Variants in H1-4 observed in about 807,000 individuals in gnomAD.
The protein encoded by H1-4 is histone H1.4.
H1-4 carries 9 observed loss-of-function variants against 7.2 expected under a neutral mutation model. That is an observed-to-expected ratio of 1.25 (90% CI 0.75 to 2.18). The LOEUF is 2.18. Among genes scored for constraint, H1-4 ranks in the 30% most tolerant of loss-of-function variants. The pLI, the probability that H1-4 is intolerant of heterozygous loss-of-function variation, is 0.00. For synonymous variants in H1-4, 318 were observed against 126.6 expected, an observed-to-expected ratio of 2.51 and a Z score of -10.15; for missense variants, 646 against 287.9, an observed-to-expected ratio of 2.24 and a Z score of -9.00.
rs146982083 is a variant in H1-4, at chr6:26,156,495, G to T, written c.105G>T (p.Ala35=). The T allele has an allele frequency of 2.0e-4, 326 of 1,613,738 alleles. 1 individual carries two copies. In the Middle Eastern group the frequency reaches 2.8e-3, roughly 14 times the overall value. The part of the protein sequence containing the change: ...RKSAGAAKRK[A]SGPPVSELIT... Reference sequence around the variant, plus strand: ...CTGCAGGTGCGGCCAAGCGCAAAGCGTCTGGGCCCCCGGTGTCCGAGCTCA... The same window carrying T: ...CTGCAGGTGCGGCCAAGCGCAAAGCTTCTGGGCCCCCGGTGTCCGAGCTCA... The change falls in exon 1 of 1, where the codon GCG becomes GCT. Residue 35 remains alanine (A), a synonymous_variant. Coordinates refer to ENST00000304218, the MANE Select transcript of H1-4 (RefSeq NM_005321.3).
rs751343200 is a variant in H1-4, at chr6:26,156,861, G to A, written c.471G>A (p.Lys157=). The A allele has an allele frequency of 5.3e-5, 86 of 1,607,742 alleles. No individual in the cohort carries two copies. Among genetic ancestry groups the A allele is most frequent in the Non-Finnish European group, 6.8e-5 (80 of 1,177,796 alleles). ...AGAGCGCCAAGAAGACCCCAAAGAA[G>A]GCGAAGAAGCCGGCTGCAGCTGCTG... ...PKKSAKKTPK[K]AKKPAAAAGA... The change falls in exon 1 of 1, where the codon AAG becomes AAA. Residue 157 remains lysine (K), a synonymous_variant. Coordinates refer to ENST00000304218, the MANE Select transcript of H1-4 (RefSeq NM_005321.3).
In H1-4 at chr6:26,156,751, A is replaced by G. The variant is rs920829482; in HGVS notation, c.361A>G (p.Lys121Glu). ...AASGEAKPKA[K>E]KAGAAKAKKP... The stretch of plus-strand genomic sequence containing the variant: ...CTCTGGGGAAGCCAAGCCTAAGGCT[A>G]AAAAGGCAGGCGCGGCCAAGGCCAA... The change falls in exon 1 of 1, where the codon AAA (lysine) becomes GAA (glutamate). Residue 121 changes from lysine (K) to glutamate (E), a missense_variant. Lys to Glu is a moderately conservative substitution (Grantham distance 56). Transcript: ENST00000304218. The G allele has an allele frequency of 6.2e-7, 1 of 1,613,972 alleles. No individual in the cohort carries two copies. The highest frequency in any genetic ancestry group is 8.5e-7 in the Non-Finnish European group (1 of 1,179,944).
rs779960268 is a variant in H1-4, at chr6:26,156,360, C to G, written c.-31C>G. 36 of 1,518,430 alleles carry G rather than the reference C, an allele frequency of 2.4e-5. No homozygotes were observed. Among genetic ancestry groups the G allele is most frequent in the African/African-American group, 8.3e-5 (6 of 72,098 alleles). The allele number at this position is 1,518,430 out of a possible 1,614,324, so 94.1% of individuals were successfully genotyped here. ...CCGGCCAGTGCCTCTGCTTCCGGCT[C>G]GAATTGCTCTCGCTCACGCTTGCCT... On this transcript the variant is annotated 5_prime_UTR_variant, in exon 1 of 1. Transcript: ENST00000304218.
Position 26,156,410 on chromosome 6 carries a change from C to T in H1-4, c.20C>T (p.Ala7Val), listed in dbSNP as rs1329028356. 3.8e-6 allele frequency: 6 copies of T among 1,588,366 alleles called. No individual in the cohort carries two copies. The highest frequency in any genetic ancestry group is 4.3e-6 in the Non-Finnish European group (5 of 1,167,136). The change falls in exon 1 of 1, where the codon GCC becomes GTC. Residue 7 changes from alanine (A) to valine (V), a missense_variant. Ala to Val is a moderately conservative substitution (Grantham distance 64). Transcript: ENST00000304218. ...TTCAACATGTCCGAGACTGCGCCTG[C>T]CGCGCCCGCTGCTCCGGCCCCTGCC... MSETAP[A>V]APAAPAPAEK... is the part of the protein sequence containing the mutation.
Position 26,156,472 on chromosome 6 carries a change from G to A in H1-4, c.82G>A (p.Ala28Thr), listed in dbSNP as rs755373320. 5.6e-6 allele frequency: 9 copies of A among 1,613,156 alleles called. No individual in the cohort carries two copies. The highest frequency in any genetic ancestry group is 2.2e-5 in the East Asian group (1 of 44,874). Residue 28 changes from alanine to threonine, a missense_variant, in exon 1 of 1, where the codon GCA becomes ACA. Transcript: ENST00000304218. ...TPVKKKARKSAGAAKRKASGP... is the reference protein window; with the variant it reads ...TPVKKKARKSTGAAKRKASGP... ...CGTGAAGAAGAAGGCCCGCAAGTCTGCAGGTGCGGCCAAGCGCAAAGCGTC... is the reference window on the plus strand; with the variant it reads ...CGTGAAGAAGAAGGCCCGCAAGTCTACAGGTGCGGCCAAGCGCAAAGCGTC...
Position 26,156,813 on chromosome 6 carries a change from G to C in H1-4, c.423G>C (p.Ala141=), listed in dbSNP as rs370742259. Residue 141 remains alanine (A), a synonymous_variant, in exon 1 of 1, where the codon GCG becomes GCC. Coordinates refer to ENST00000304218, the MANE Select transcript of H1-4 (RefSeq NM_005321.3). ...GAGCGGCGAAGAAGCCCAAGAAGGC[G>C]ACGGGGGCGGCCACCCCCAAGAAGA... is the stretch of plus-strand genomic sequence containing the variant. ...PAGAAKKPKK[A]TGAATPKKSA... 44 of 1,607,702 alleles carry C rather than the reference G, an allele frequency of 2.7e-5. No homozygotes were observed. Among genetic ancestry groups the C allele is most frequent in the Non-Finnish European group, 3.7e-5 (44 of 1,177,214 alleles).
In H1-4 at chr6:26,156,521, T is replaced by G. The variant is rs1764174401; in HGVS notation, c.131T>G (p.Ile44Ser). Reference protein sequence around the residue: ...KASGPPVSELITKAVAASKER... With the variant: ...KASGPPVSELSTKAVAASKER... ...TCTGGGCCCCCGGTGTCCGAGCTCA[T>G]TACTAAAGCTGTTGCCGCCTCCAAG... The change falls in exon 1 of 1, where the codon ATT becomes AGT. Residue 44 changes from isoleucine to serine, a missense_variant. By Grantham distance (142) the Ile-to-Ser change is moderately radical (BLOSUM62 -2). Transcript: ENST00000304218. 6.2e-7 allele frequency: 1 copy of G among 1,613,704 alleles called. No individual in the cohort carries two copies. The highest frequency in any genetic ancestry group is 1.3e-5 in the African/African-American group (1 of 74,890).
Position 26,157,072 on chromosome 6 carries a change from T to C in H1-4, c.*22T>C, listed in dbSNP as rs1040231535. The C allele has an allele frequency of 6.4e-7, 1 of 1,572,508 alleles. No individual in the cohort carries two copies. Among genetic ancestry groups the C allele is most frequent in the African/African-American group, 1.4e-5 (1 of 72,286 alleles). On this transcript the variant is annotated 3_prime_UTR_variant, in exon 1 of 1. Transcript: ENST00000304218. ...GTAGAAAGTTCCTTTGGCCAACTGC[T>C]TAGAAGCCCAACACAACCCAAAGGC...
In H1-4 at chr6:26,157,095, G is replaced by A; in HGVS notation, c.*45G>A. ...GCTTAGAAGCCCAACACAACCCAAA[G>A]GCTCTTTTCAGAGCCACCCACCGCT... On this transcript the variant is annotated 3_prime_UTR_variant, in exon 1 of 1. Coordinates refer to ENST00000304218, the MANE Select transcript of H1-4 (RefSeq NM_005321.3). 6.4e-7 allele frequency: 1 copy of A among 1,553,642 alleles called. No individual in the cohort carries two copies. The highest frequency in any genetic ancestry group is 8.6e-7 in the Non-Finnish European group (1 of 1,159,188).
rs201297264 is a variant in H1-4 at position 26,156,821 on chromosome 6, C to G, written c.431C>G (p.Ala144Gly). 3.1e-6 allele frequency: 5 copies of G among 1,606,630 alleles called. No homozygotes were observed. The South Asian group carries it at 5.5e-5, about 18-fold the overall frequency. The change falls in exon 1 of 1, where the codon GCG (alanine) becomes GGG (glycine). Residue 144 changes from alanine (A) to glycine (G), a missense_variant. Physicochemically the swap from Ala to Gly is moderately conservative, Grantham distance 60 (BLOSUM62 0). Transcript: ENST00000304218. ...AAGAAGCCCAAGAAGGCGACGGGGG[C>G]GGCCACCCCCAAGAAGAGCGCCAAG... is the stretch of plus-strand genomic sequence containing the variant. ...AAKKPKKATG[A>G]ATPKKSAKKT...
In H1-4 at chr6:26,156,849, G is replaced by T. The variant is rs759116050; in HGVS notation, c.459G>T (p.Lys153Asn). Residue 153 changes from lysine to asparagine, a missense_variant, in exon 1 of 1, where the codon AAG becomes AAT. Lys to Asn is a moderately conservative substitution (Grantham distance 94, BLOSUM62 0). Coordinates refer to ENST00000304218, the MANE Select transcript of H1-4 (RefSeq NM_005321.3). ...GAATPKKSAKKTPKKAKKPAA... is the reference protein window; with the variant it reads ...GAATPKKSAKNTPKKAKKPAA... ...CCACCCCCAAGAAGAGCGCCAAGAA[G>T]ACCCCAAAGAAGGCGAAGAAGCCGG... The T allele has an allele frequency of 6.2e-7, 1 of 1,606,474 alleles. No individual in the cohort carries two copies. The highest frequency in any genetic ancestry group is 8.5e-7 in the Non-Finnish European group (1 of 1,177,220).
In H1-4 at chr6:26,156,356, G is replaced by A. The variant is rs576895230; in HGVS notation, c.-35G>A. On this transcript the variant is annotated 5_prime_UTR_variant, in exon 1 of 1. Coordinates refer to ENST00000304218, the MANE Select transcript of H1-4 (RefSeq NM_005321.3). ...AGTCCCGGCCAGTGCCTCTGCTTCCGGCTCGAATTGCTCTCGCTCACGCTT... is the reference window on the plus strand; with the variant it reads ...AGTCCCGGCCAGTGCCTCTGCTTCCAGCTCGAATTGCTCTCGCTCACGCTT... 107 of 1,516,260 alleles carry A rather than the reference G, an allele frequency of 7.1e-5. No homozygotes were observed. Among genetic ancestry groups the A allele is most frequent in the Admixed American group, 2.6e-4 (12 of 46,576 alleles). 93.9% of individuals were successfully genotyped at this position (1,516,260 alleles called of 1,614,324 possible). A position where few individuals can be genotyped will look rare whatever the true frequency, so the allele number is the denominator to read the frequency against.
At position 26,156,427 on chromosome 6, in the gene H1-4, G is replaced by A. The variant is rs1388857403; in HGVS notation, c.37G>A (p.Ala13Thr). Residue 13 changes from alanine (A) to threonine (T), a missense_variant, in exon 1 of 1, where the codon GCC becomes ACC. By Grantham distance (58) the Ala-to-Thr change is moderately conservative (BLOSUM62 0). Coordinates refer to ENST00000304218, the MANE Select transcript of H1-4 (RefSeq NM_005321.3). Reference sequence around the variant, plus strand: ...TGCGCCTGCCGCGCCCGCTGCTCCGGCCCCTGCCGAGAAGACTCCCGTGAA... The same window carrying A: ...TGCGCCTGCCGCGCCCGCTGCTCCGACCCCTGCCGAGAAGACTCCCGTGAA... ...ETAPAAPAAP[A>T]PAEKTPVKKK... 18 of 1,602,056 alleles carry A rather than the reference G, an allele frequency of 1.1e-5. No homozygotes were observed. The South Asian group carries it at 2.0e-4, about 18-fold the overall frequency.
rs1764211409 is a variant in H1-4, at chr6:26,157,098, T to C, written c.*48T>C. 6.4e-7 allele frequency: 1 copy of C among 1,550,802 alleles called. No individual in the cohort carries two copies. Among genetic ancestry groups the C allele is most frequent in the African/African-American group, 1.4e-5 (1 of 71,952 alleles). The stretch of plus-strand genomic sequence containing the variant: ...TAGAAGCCCAACACAACCCAAAGGC[T>C]CTTTTCAGAGCCACCCACCGCTCTC... On this transcript the variant is annotated 3_prime_UTR_variant, in exon 1 of 1. Transcript: ENST00000304218.
rs534403852 is a variant in H1-4 at position 26,156,831 on chromosome 6, C to T, written c.441C>T (p.Pro147=). Residue 147 remains proline (P), a synonymous_variant, in exon 1 of 1, where the codon CCC becomes CCT. Coordinates refer to ENST00000304218, the MANE Select transcript of H1-4 (RefSeq NM_005321.3). ...KPKKATGAAT[P]KKSAKKTPKK... ...AGAAGGCGACGGGGGCGGCCACCCC[C>T]AAGAAGAGCGCCAAGAAGACCCCAA... The T allele has an allele frequency of 2.3e-4, 370 of 1,606,550 alleles. 2 individuals are homozygous for T. Among genetic ancestry groups the T allele is most frequent in the East Asian group, 6.7e-5 (3 of 44,558 alleles).
chr6:26,156,421 G>C lies in H1-4; in HGVS notation c.31G>C (p.Ala11Pro), dbSNP rs751765449. Residue 11 changes from alanine to proline, a missense_variant, in exon 1 of 1, where the codon GCT (alanine) becomes CCT (proline). By Grantham distance (27) the Ala-to-Pro change is conservative (BLOSUM62 -1). Transcript: ENST00000304218. MSETAPAAPA[A>P]PAPAEKTPVK... ...CGAGACTGCGCCTGCCGCGCCCGCTGCTCCGGCCCCTGCCGAGAAGACTCC... is the reference window on the plus strand; with the variant it reads ...CGAGACTGCGCCTGCCGCGCCCGCTCCTCCGGCCCCTGCCGAGAAGACTCC... 6.3e-6 allele frequency: 10 copies of C among 1,599,282 alleles called. No homozygotes were observed. The highest frequency in any genetic ancestry group is 8.5e-6 in the Non-Finnish European group (10 of 1,172,460).
In H1-4 at chr6:26,156,339, C is replaced by G; in HGVS notation, c.-52C>G. On this transcript the variant is annotated 5_prime_UTR_variant, in exon 1 of 1. Transcript: ENST00000304218. ...CGCAGCGCCGCGGCTCGAGTCCCGGCCAGTGCCTCTGCTTCCGGCTCGAAT... is the reference window on the plus strand; with the variant it reads ...CGCAGCGCCGCGGCTCGAGTCCCGGGCAGTGCCTCTGCTTCCGGCTCGAAT... The G allele has an allele frequency of 3.4e-6, 5 of 1,478,430 alleles. No homozygotes were observed. Among genetic ancestry groups the G allele is most frequent in the Non-Finnish European group, 4.5e-6 (5 of 1,107,868 alleles). 91.6% of individuals were successfully genotyped at this position (1,478,430 alleles called of 1,614,324 possible). A position where few individuals can be genotyped will look rare whatever the true frequency, so the allele number is the denominator to read the frequency against.
Position 26,156,654 on chromosome 6 carries a change from G to T in H1-4, c.264G>T (p.Val88=), listed in dbSNP as rs200022646. The change falls in exon 1 of 1, where the codon GTG becomes GTT. Residue 88 remains valine (V), a synonymous_variant. Coordinates refer to ENST00000304218, the MANE Select transcript of H1-4 (RefSeq NM_005321.3). ...TCAAGCTGGGTCTCAAGAGCCTGGT[G>T]AGCAAGGGCACCCTGGTGCAGACCA... is the stretch of plus-strand genomic sequence containing the variant. The part of the protein sequence containing the change: ...SRIKLGLKSL[V]SKGTLVQTKG... The T allele has an allele frequency of 6.2e-7, 1 of 1,614,258 alleles. No individual in the cohort carries two copies. The highest frequency in any genetic ancestry group is 8.5e-7 in the Non-Finnish European group (1 of 1,180,052).
rs1561965974 is a variant in H1-4 at position 26,156,855 on chromosome 6, AAAG to A, written c.469_471del (p.Lys157del). 7 of 1,607,758 alleles carry A rather than the reference AAAG, an allele frequency of 4.4e-6. No homozygotes were observed. The highest frequency in any genetic ancestry group is 5.9e-6 in the Non-Finnish European group (7 of 1,177,606). On this transcript the variant is annotated inframe_deletion, in exon 1 of 1. Coordinates refer to ENST00000304218, the MANE Select transcript of H1-4 (RefSeq NM_005321.3). ...CCAAGAAGAGCGCCAAGAAGACCCC[AAAG>A]AAGGCGAAGAAGCCGGCTGCAGCTG...
Sources: allele counts gnomAD v4.1 joint callset, GRCh38; gene constraint gnomAD v4.1.1; transcripts MANE v1.5; gene names NCBI Gene and HGNC (gene_info 2026-07-23, HGNC 2026-07-21).